The following FSTL4 variants were observed in gnomAD, a reference collection of about 807,000 sequenced individuals.
FSTL4 encodes the protein follistatin like 4.
FSTL4 carries 28 observed loss-of-function variants against 78.2 expected under a neutral mutation model. The observed-to-expected ratio is 0.36, with a 90% CI of 0.27 to 0.49. The LOEUF is 0.49. Ranked by LOEUF, FSTL4 falls within the 20% of genes least tolerant of loss-of-function variation. FSTL4 has a pLI of 0.98. For missense variants in FSTL4, 922 were observed against 1,084.9 expected, an observed-to-expected ratio of 0.85 and a Z score of 2.11; for synonymous variants, 422 against 440.5, an observed-to-expected ratio of 0.96 and a Z score of 0.53.
chr5:133,747,521 A>G, the FSTL4 span, among the ~76,000 whole-genome samples: 1 of 152,070 alleles, frequency 6.6e-6, no homozygotes, highest in East Asian at 1.9e-4. Context: ...GCTCACAAAA[A>G]ATTGGCTCAG....
chr5:133,595,065 A>G (rs1390049759), intron 2 of FSTL4, among the ~76,000 whole-genome samples: 1 of 152,250 alleles, frequency 6.6e-6, no homozygotes, highest in Non-Finnish European at 1.5e-5. Context: ...GTTTGACTTT[A>G]CATTTCACTC....
chr5:133,388,826 T>C (rs1310109618), intron 4 of FSTL4, among the ~76,000 whole-genome samples: 4 of 151,006 alleles, frequency 2.6e-5, no homozygotes, highest in African/African-American at 9.7e-5. Flanking sequence ...CTTACATAAC[T>C]ATCATCCTCT....
At chr5:133,755,472 G>A in the FSTL4 span, among the ~76,000 whole-genome samples, 1 of 152,144 alleles carries the variant, frequency 6.6e-6, no homozygotes, top group East Asian at 1.9e-4. Context: ...ACCCAAAGCA[G>A]TAAAACTCAA....
At chr5:133,226,295 C>T (rs1751329287) in intron 8 of FSTL4, among the ~76,000 whole-genome samples, 1 of 152,200 alleles carries the variant, frequency 6.6e-6, no homozygotes, top group East Asian at 1.9e-4. Flanking sequence ...TTCCAGTGGG[C>T]CATTCTCATT....
rs141102567 is a variant in FSTL4, at chr5:133,250,992, C to A, written c.728-1416G>T. Among the ~76,000 whole-genome samples the A allele has an allele frequency of 2.1e-3, 314 of 152,252 alleles. 2 individuals carry two copies. Among genetic ancestry groups the A allele is most frequent in the African/African-American group, 7.1e-3 (295 of 41,548 alleles). On this transcript the variant is annotated intron_variant, in intron 6 of 15. Transcript: ENST00000265342. ...AAAAATGTGACTAACGGTGAAGGAA[C>A]CCTCAAGGAAAGATGAGCACCCAGT...
At chr5:133,628,082 C>A in the FSTL4 span, among the ~76,000 whole-genome samples, 2 of 152,046 alleles carry the variant, frequency 1.3e-5, no homozygotes, top group Non-Finnish European at 2.9e-5. Flanking sequence ...AAAGACACAA[C>A]CTACCAGAAT....
At chr5:133,507,464 C>A (rs1218677336) in intron 3 of FSTL4, among the ~76,000 whole-genome samples, 2 of 151,862 alleles carry the variant, frequency 1.3e-5, no homozygotes, top group African/African-American at 4.8e-5. Context: ...TACGTACAGT[C>A]GGCCCTCTGG....
At chr5:133,581,375 G>A (rs1234898998) in intron 2 of FSTL4, among the ~76,000 whole-genome samples, 3 of 152,132 alleles carry the variant, frequency 2.0e-5, no homozygotes, top group Admixed American at 1.3e-4. Flanking sequence ...CAGTTTCCTC[G>A]TCTGAAGAGG....
intron 3 of FSTL4, among the ~76,000 whole-genome samples, chr5:133,405,164 C>T (rs1756328201): frequency 6.6e-6 from 1 of 152,188 alleles, no homozygotes; most frequent in African/African-American, 2.4e-5. Flanking sequence ...GCTGTCAGTG[C>T]CCCCAGCACA....
rs796594565 is a variant in FSTL4, at chr5:133,576,399, T to C, written c.127-9180A>G. Among the ~76,000 whole-genome samples, 17 of 152,234 alleles carry C rather than the reference T, an allele frequency of 1.1e-4. No individual in the cohort carries two copies. In the South Asian group the frequency reaches 2.1e-3, roughly 19 times the overall value. ...TATTATGGGATTCACTGGGAAAATA[T>C]TGGCTATGTGGGTTACGAAAGTGGG... On this transcript the variant is annotated intron_variant, in intron 2 of 15. Transcript: ENST00000265342.
At chr5:133,549,118 T>G (rs1314945305) in intron 3 of FSTL4, among the ~76,000 whole-genome samples, 1 of 152,248 alleles carries the variant, frequency 6.6e-6, no homozygotes, top group Non-Finnish European at 1.5e-5. Context: ...CTGGGCTTCC[T>G]GTATCTGAGG....
the FSTL4 span, among the ~76,000 whole-genome samples, chr5:133,701,509 A>ACACCCC: frequency 0.016 from 2,088 of 132,546 alleles, 55 homozygotes; most frequent in Admixed American, 0.055. Flanking sequence ...ACACACACAC[A>ACACCCC]CCCCACAGGC....
intron 3 of FSTL4, among the ~76,000 whole-genome samples, chr5:133,425,984 CCTGT>C (rs1401881054): frequency 2.0e-5 from 3 of 152,312 alleles, no homozygotes; most frequent in Admixed American, 6.5e-5. Flanking sequence ...CTCTAGTCTT[CCTGT>C]CTAAGTGCTG....
the FSTL4 span, among the ~76,000 whole-genome samples, chr5:133,731,735 T>C: frequency 1.6e-4 from 24 of 152,200 alleles, no homozygotes; most frequent in East Asian, 3.9e-4. Context: ...GTGGGATGCC[T>C]ACTGAGTCAC....
At chr5:133,318,273 G>T (rs1030702735) in intron 4 of FSTL4, among the ~76,000 whole-genome samples, 1 of 152,164 alleles carries the variant, frequency 6.6e-6, no homozygotes, top group African/African-American at 2.4e-5. Flanking sequence ...GGGGGTTCTT[G>T]GGGCCTCCAG....
chr5:133,408,768 G>A (rs964754425), intron 3 of FSTL4, among the ~76,000 whole-genome samples: 4 of 152,148 alleles, frequency 2.6e-5, no homozygotes, highest in South Asian at 2.1e-4. Flanking sequence ...TAAAAGTGAC[G>A]ATAACAATGG....
At chr5:133,310,072 A>G (rs191922784) in intron 6 of FSTL4, among the ~76,000 whole-genome samples, 68 of 152,320 alleles carry the variant, frequency 4.5e-4, no homozygotes, top group African/African-American at 1.5e-3. Context: ...TACCAGAGCT[A>G]TGGGAATTTA....
At chr5:133,346,438 C>A (rs6596123) in intron 4 of FSTL4, among the ~76,000 whole-genome samples, 69,606 of 152,022 alleles carry the variant, frequency 0.46, 18,654 homozygotes, top group African/African-American at 0.75. Flanking sequence ...AATAAAAGAA[C>A]TGTGAAGGCA....
chr5:133,759,697 G>C, the FSTL4 span, among the ~76,000 whole-genome samples: 6 of 152,186 alleles, frequency 3.9e-5, no homozygotes. Flanking sequence ...AGGCACCCCA[G>C]GTGCTGCAGC....
Sources: allele counts gnomAD v4.1 joint callset (sites outside exome capture counted in the v4.1 genomes callset), GRCh38; gene constraint gnomAD v4.1.1; transcripts MANE v1.5; gene names NCBI Gene and HGNC (gene_info 2026-07-23, HGNC 2026-07-21).